CSMD3: variants seen among roughly 807,000 people sequenced by gnomAD.
CSMD3 encodes the protein CUB and Sushi multiple domains 3.
A neutral mutation model predicts 435.2 loss-of-function variants in CSMD3; 177 were observed. The observed-to-expected ratio is 0.41, with a 90% CI of 0.36 to 0.46. The LOEUF is 0.46. Ranked by LOEUF, CSMD3 falls within the 20% of genes least tolerant of loss-of-function variation. The pLI, the probability that CSMD3 is intolerant of heterozygous loss-of-function variation, is 0.34. For synonymous variants in CSMD3, 1,656 were observed against 1,520.5 expected (o/e 1.09, Z -2.07); for missense variants, 4,265 against 4,504.6 (o/e 0.95, Z 1.52).
chr8:112,610,489 T>G (rs931110117), intron 22 of CSMD3, among the ~76,000 whole-genome samples: 1 of 152,098 alleles, frequency 6.6e-6, no homozygotes, highest in African/African-American at 2.4e-5. Flanking sequence ...CAGTGATCAA[T>G]ATGGGACTTC....
intron 1 of CSMD3, among the ~76,000 whole-genome samples, chr8:113,406,372 T>C (rs2094532823): frequency 6.6e-6 from 1 of 151,772 alleles, no homozygotes; most frequent in Non-Finnish European, 1.5e-5. Flanking sequence ...GATACAGGAG[T>C]AATTTTTAAA....
intron 13 of CSMD3, among the ~76,000 whole-genome samples, chr8:112,742,355 C>A (rs185474050): frequency 6.6e-6 from 1 of 151,904 alleles, no homozygotes; most frequent in East Asian, 1.9e-4. Context: ...AAGAAAAAAT[C>A]TTTGATAGGC....
At chr8:113,423,328 G>C (rs1257040040) in intron 1 of CSMD3, among the ~76,000 whole-genome samples, 2 of 151,898 alleles carry the variant, frequency 1.3e-5, no homozygotes, top group African/African-American at 4.8e-5. Flanking sequence ...TATCATTCTT[G>C]GCTGGTGTAC....
chr8:113,100,202 A>G (rs2090288439), intron 4 of CSMD3, among the ~76,000 whole-genome samples: 1 of 152,124 alleles, frequency 6.6e-6, no homozygotes, highest in South Asian at 2.1e-4. Context: ...GTCTTAAAAT[A>G]TATTTAACTT....
intron 32 of CSMD3, among the ~76,000 whole-genome samples, chr8:112,438,024 G>A (rs1312594408): frequency 6.6e-6 from 1 of 152,120 alleles, no homozygotes; most frequent in Non-Finnish European, 1.5e-5. Context: ...GCAGAAACAT[G>A]AACTTCCCTC....
At chr8:112,248,578 C>T (rs1220039535) in intron 63 of CSMD3, among the ~76,000 whole-genome samples, 2 of 152,114 alleles carry the variant, frequency 1.3e-5, no homozygotes, top group African/African-American at 4.8e-5. Flanking sequence ...AAGGCTCAAT[C>T]ACAGTTTTAG....
intron 11 of CSMD3, among the ~76,000 whole-genome samples, chr8:112,837,075 A>C (rs1319727422): frequency 6.6e-6 from 1 of 151,830 alleles, no homozygotes; most frequent in African/African-American, 2.4e-5. Flanking sequence ...GATGTTGGGC[A>C]TATGCCTCAT....
chr8:112,614,114 T>C (rs115969439), intron 22 of CSMD3, among the ~76,000 whole-genome samples: 3,220 of 152,140 alleles, frequency 0.021, 123 homozygotes, highest in African/African-American at 0.072. Context: ...AGGAAGCAAA[T>C]GGGCAACTAT....
At chr8:113,119,869 T>C (rs1025754732) in intron 4 of CSMD3, among the ~76,000 whole-genome samples, 2 of 152,134 alleles carry the variant, frequency 1.3e-5, no homozygotes, top group African/African-American at 4.8e-5. Flanking sequence ...TTTATGCATA[T>C]AGAACAATCA....
chr8:112,992,985 A>G (rs2085512203), intron 6 of CSMD3, among the ~76,000 whole-genome samples: 1 of 151,810 alleles, frequency 6.6e-6, no homozygotes, highest in East Asian at 1.9e-4. Flanking sequence ...AATCACTATT[A>G]CAGAGCTTCT....
chr8:112,595,077 A>C (rs1831566060), intron 22 of CSMD3, among the ~76,000 whole-genome samples: 1 of 151,524 alleles, frequency 6.6e-6, no homozygotes, highest in African/African-American at 2.4e-5. Flanking sequence ...GAGCTACGGG[A>C]GGACATTCAA....
At chr8:112,279,772 G>A (rs895985687) in intron 59 of CSMD3, among the ~76,000 whole-genome samples, 1 of 152,082 alleles carries the variant, frequency 6.6e-6, no homozygotes, top group Admixed American at 6.6e-5. Context: ...CAATATTACT[G>A]AAGTTGTTGG....
At chr8:113,325,594 A>G (rs533534364) in intron 1 of CSMD3, among the ~76,000 whole-genome samples, 8 of 152,156 alleles carry the variant, frequency 5.3e-5, no homozygotes, top group African/African-American at 7.2e-5. Flanking sequence ...AAACAGACTA[A>G]TACAGCCTTA....
At chr8:113,063,765 AGTTAT>A (rs1447829242) in intron 5 of CSMD3, among the ~76,000 whole-genome samples, 2 of 151,930 alleles carry the variant, frequency 1.3e-5, no homozygotes, top group Non-Finnish European at 2.9e-5. Context: ...TTCAGGTGTA[AGTTAT>A]GTTTACAGAT....
chr8:113,024,591 T>C (rs140101401), intron 5 of CSMD3, among the ~76,000 whole-genome samples: 12 of 152,266 alleles, frequency 7.9e-5, no homozygotes, highest in African/African-American at 2.9e-4. Flanking sequence ...GAAGGGTACC[T>C]TTTTCTCTGC....
intron 66 of CSMD3, among the ~76,000 whole-genome samples, chr8:112,240,283 T>A (rs1300744631): frequency 6.6e-6 from 1 of 152,018 alleles, no homozygotes; most frequent in East Asian, 1.9e-4. Context: ...ATATGAGCAA[T>A]TTTTTTACAG....
intron 14 of CSMD3, among the ~76,000 whole-genome samples, chr8:112,689,098 G>T (rs951767230): frequency 6.6e-6 from 1 of 151,956 alleles, no homozygotes. Context: ...AAGTAATCTT[G>T]GTTAAAGATA....
At chr8:112,935,996 C>T (rs973056559) in intron 9 of CSMD3, among the ~76,000 whole-genome samples, 1 of 151,936 alleles carries the variant, frequency 6.6e-6, no homozygotes, top group Admixed American at 6.6e-5. Context: ...AATAAAATCT[C>T]AAGTATGGGT....
chr8:112,704,148 C>T (rs768188656), intron 13 of CSMD3, among the ~76,000 whole-genome samples: 32 of 151,858 alleles, frequency 2.1e-4, no homozygotes, highest in Non-Finnish European at 3.8e-4. Flanking sequence ...TTAATTCTCT[C>T]TCTCTCTCTT....
Sources: allele counts gnomAD v4.1 joint callset (sites outside exome capture counted in the v4.1 genomes callset), GRCh38; gene constraint gnomAD v4.1.1; transcripts MANE v1.5; gene names NCBI Gene and HGNC (gene_info 2026-07-23, HGNC 2026-07-21).